Variants in SYT10 observed in about 807,000 individuals in gnomAD.
SYT10 encodes synaptotagmin 10, also known as synaptotagmin-10.
In SYT10, 31 loss-of-function variants were observed where a neutral mutation model predicts 51.1. The observed-to-expected ratio is 0.61, with a 90% CI of 0.46 to 0.82. The LOEUF (loss-of-function observed/expected upper bound fraction) is 0.82. Ranked by LOEUF, SYT10 falls within the 40% of genes least tolerant of loss-of-function variation. The probability of loss-of-function intolerance (pLI) is 0.00; values close to 1 mark genes in which losing one functional copy is unlikely to be tolerated. For missense variants in SYT10, 603 were observed against 634.0 expected (o/e 0.95, Z 0.53); for synonymous variants, 233 against 225.9 (o/e 1.03, Z -0.28).
intron 2 of SYT10, among the ~76,000 whole-genome samples, chr12:33,411,763 A>C (rs1174247650): frequency 6.6e-6 from 1 of 152,128 alleles, no homozygotes; most frequent in Admixed American, 6.6e-5. Context: ...GTTTCTTCAG[A>C]TATATGCCAC....
At chr12:33,409,263 C>T (rs1406136123) in intron 2 of SYT10, among the ~76,000 whole-genome samples, 1 of 152,106 alleles carries the variant, frequency 6.6e-6, no homozygotes, top group African/African-American at 2.4e-5. Context: ...GTCACCCAGG[C>T]TGGAGTGCAG....
At chr12:33,413,823 A>G (rs1195021178) in intron 2 of SYT10, among the ~76,000 whole-genome samples, 1 of 152,224 alleles carries the variant, frequency 6.6e-6, no homozygotes, top group African/African-American at 2.4e-5. Flanking sequence ...GATCAAATTC[A>G]CACATAACAA....
chr12:33,416,801 C>G (rs187845285), intron 2 of SYT10, among the ~76,000 whole-genome samples: 1 of 152,000 alleles, frequency 6.6e-6, no homozygotes, highest in South Asian at 2.1e-4. Context: ...GCTGAGGATA[C>G]TAATAAAATA....
intron 1 of SYT10, among the ~76,000 whole-genome samples, chr12:33,434,541 C>T (rs1278186106): frequency 2.6e-5 from 4 of 152,182 alleles, no homozygotes; most frequent in Non-Finnish European, 5.9e-5. Flanking sequence ...CAGTAGCTCA[C>T]GCCTGTAATC....
rs142624234 is a variant in SYT10, at chr12:33,426,348, A to T, written c.299T>A (p.Ile100Asn). ...TSNITTLPQS[I>N]SSAPTEVFET... ...AAAAACTTCAGTAGGAGCACTTGAAATGCTCTGTGGAAGCGTAGTGATGTT... is the reference window on the plus strand; with the variant it reads ...AAAAACTTCAGTAGGAGCACTTGAATTGCTCTGTGGAAGCGTAGTGATGTT... Residue 100 changes from isoleucine to asparagine, a missense_variant, in exon 2 of 7, where the codon ATT (isoleucine) becomes AAT (asparagine). Transcript: ENST00000228567. 4 of 1,614,014 alleles carry T rather than the reference A, an allele frequency of 2.5e-6. No individual in the cohort carries two copies. The highest frequency in any genetic ancestry group is 3.3e-4 in the Middle Eastern group (2 of 6,084).
At chr12:33,398,187 T>C (rs1565493498) in intron 3 of SYT10, among the ~76,000 whole-genome samples, 1 of 152,066 alleles carries the variant, frequency 6.6e-6, no homozygotes, top group East Asian at 1.9e-4. Flanking sequence ...CAGACGGCAT[T>C]ATGAGTATAC....
At chr12:33,435,334 A>G (rs868571966) in intron 1 of SYT10, among the ~76,000 whole-genome samples, 1 of 152,202 alleles carries the variant, frequency 6.6e-6, no homozygotes, top group African/African-American at 2.4e-5. Context: ...AAGAAGAATA[A>G]ATGTTTGCTG....
In SYT10 at chr12:33,402,374, C is replaced by T. The variant is rs1267578274; in HGVS notation, c.1077+4415G>A. ...TGCTGTTTTTTTCTTCAAGAATCAT[C>T]CAACACTTTTCTTCAGAATTCTATC... On this transcript the variant is annotated intron_variant, in intron 3 of 6. Transcript: ENST00000228567. Among the ~76,000 whole-genome samples, 7 of 152,094 alleles carry T rather than the reference C, an allele frequency of 4.6e-5. No homozygotes were observed. In the East Asian group the frequency reaches 1.2e-3, roughly 25 times the overall value.
At chr12:33,416,849 G>C (rs1866458305) in intron 2 of SYT10, among the ~76,000 whole-genome samples, 1 of 152,162 alleles carries the variant, frequency 6.6e-6, no homozygotes, top group South Asian at 2.1e-4. Context: ...CAGAGAGGAG[G>C]ATTCTTAGAA....
chr12:33,405,422 C>CT (rs1430402654), intron 3 of SYT10: 2 of 152,068 alleles, frequency 1.3e-5, no homozygotes, highest in African/African-American at 4.8e-5. Context: ...AAAATTCCTT[C>CT]TTTGTTCCTT....
chr12:33,435,345 A>G (rs950889176), intron 1 of SYT10, among the ~76,000 whole-genome samples: 2 of 152,208 alleles, frequency 1.3e-5, no homozygotes, highest in South Asian at 2.1e-4. Flanking sequence ...ATGTTTGCTG[A>G]GATCTTCTTG....
intron 3 of SYT10, among the ~76,000 whole-genome samples, chr12:33,403,570 A>G (rs1472573496): frequency 6.6e-6 from 1 of 152,000 alleles, no homozygotes; most frequent in East Asian, 1.9e-4. Context: ...TTTATTTGTT[A>G]CATAAACTCT....
At chr12:33,423,881 A>T in intron 2 of SYT10, 2 of 450,220 alleles carry the variant, frequency 4.4e-6, no homozygotes, top group Non-Finnish European at 8.9e-6. Context: ...GTTAACTCAC[A>T]TGTCATGGGG....
At chr12:33,412,701 G>T (rs1182368993) in intron 2 of SYT10, among the ~76,000 whole-genome samples, 2 of 152,106 alleles carry the variant, frequency 1.3e-5, no homozygotes, top group East Asian at 1.9e-4. Context: ...CATCATCAAA[G>T]ACCAAAGGTA....
intron 3 of SYT10, among the ~76,000 whole-genome samples, chr12:33,398,906 G>C (rs7315695): frequency 0.72 from 109,401 of 152,078 alleles, 40,933 homozygotes; most frequent in East Asian, 0.95. Flanking sequence ...AAGCCATACA[G>C]AGATAAGTGA....
At chr12:33,423,909 C>T (rs1358004484) in intron 2 of SYT10, 2 of 455,110 alleles carry the variant, frequency 4.4e-6, no homozygotes, top group Non-Finnish European at 8.8e-6. Context: ...ATAATACTTA[C>T]TTCATGCAGG....
chr12:33,385,290 T>C lies in SYT10; in HGVS notation c.1079A>G (p.Glu360Gly), dbSNP rs771669390. The change falls in exon 4 of 7, where the codon GAA (glutamate) becomes GGA (glycine). Residue 360 changes from glutamate (E) to glycine (G), a missense_variant and splice_region_variant. Coordinates refer to ENST00000228567, the MANE Select transcript of SYT10 (RefSeq NM_198992.4). ...CATGATTTCACCCAGGTCTATACTT[T>C]CCTAGAAAGGCAATCGGCATGTTAG... Reference protein sequence around the residue: ...VWKDIHCATTESIDLGEIMFS... With the variant: ...VWKDIHCATTGSIDLGEIMFS... 22 of 1,612,348 alleles carry C rather than the reference T, an allele frequency of 1.4e-5. No homozygotes were observed. The highest frequency in any genetic ancestry group is 1.6e-5 in the Non-Finnish European group (19 of 1,179,358).
chr12:33,433,719 G>A (rs1469795038), intron 1 of SYT10, among the ~76,000 whole-genome samples: 1 of 152,120 alleles, frequency 6.6e-6, no homozygotes. Flanking sequence ...CTAATAGAAA[G>A]GTTTGAGATA....
chr12:33,438,559 C>T (rs999219922), intron 1 of SYT10, among the ~76,000 whole-genome samples: 6 of 152,140 alleles, frequency 3.9e-5, no homozygotes, highest in Non-Finnish European at 8.8e-5. Context: ...TTTTTTCCAT[C>T]TCCAGATTTC....
Sources: allele counts gnomAD v4.1 joint callset (sites outside exome capture counted in the v4.1 genomes callset), GRCh38; gene constraint gnomAD v4.1.1; transcripts MANE v1.5; gene names NCBI Gene and HGNC (gene_info 2026-07-23, HGNC 2026-07-21).